The following ZNF208 variants were observed in gnomAD, a reference collection of about 807,000 sequenced individuals.
ZNF208 encodes the protein zinc finger protein 95.
A neutral mutation model predicts 12.1 loss-of-function variants in ZNF208; 10 were observed. The observed-to-expected ratio is 0.83, with a 90% CI of 0.51 to 1.40. The LOEUF (loss-of-function observed/expected upper bound fraction) is 1.40. Among genes scored for constraint, ZNF208 ranks in the 40% most tolerant of loss-of-function variants. The pLI, the probability that ZNF208 is intolerant of heterozygous loss-of-function variation, is 0.00. For missense variants in ZNF208, 1,652 were observed against 1,485.0 expected (o/e 1.11, Z -1.85); for synonymous variants, 497 against 488.4 (o/e 1.02, Z -0.23).
At chr19:21,985,211 A>C (rs1485243526) in intron 3 of ZNF208, among the ~76,000 whole-genome samples, 4 of 152,198 alleles carry the variant, frequency 2.6e-5, no homozygotes, top group Admixed American at 2.0e-4. Context: ...GAAACAGATA[A>C]AAACAAAAAG....
At chr19:21,952,615 A>T (rs1378061087) in intron 4 of ZNF208, among the ~76,000 whole-genome samples, 1 of 150,918 alleles carries the variant, frequency 6.6e-6, no homozygotes, top group Admixed American at 6.6e-5. Flanking sequence ...ACAGAAAGGA[A>T]TAGAAGCAAC....
At chr19:21,990,606 G>A (rs1484749036) in intron 1 of ZNF208, among the ~76,000 whole-genome samples, 1 of 152,148 alleles carries the variant, frequency 6.6e-6, no homozygotes, top group Non-Finnish European at 1.5e-5. Context: ...GAATTTTAAA[G>A]TAGTTTTTTC....
At chr19:21,961,540 C>CAA (rs932107456), downstream of ZNF208, among the ~76,000 whole-genome samples, 9 of 152,096 alleles carry the variant, frequency 5.9e-5, no homozygotes, top group African/African-American at 1.4e-4. Context: ...AGTCTGACCA[C>CAA]AAATTCACCA....
chr19:21,947,271 T>C (rs1438298757), intron 4 of ZNF208, among the ~76,000 whole-genome samples: 1 of 152,166 alleles, frequency 6.6e-6, no homozygotes, highest in African/African-American at 2.4e-5. Context: ...TTGCATTTGA[T>C]TTGTTTTTTT....
intron 4 of ZNF208, among the ~76,000 whole-genome samples, chr19:21,955,838 G>A (rs1203747859): frequency 4.6e-5 from 7 of 152,152 alleles, no homozygotes; most frequent in African/African-American, 7.2e-5. Flanking sequence ...CTCTCAACTC[G>A]TCAAAGTCAT....
chr19:21,954,523 T>C (rs552311651), intron 4 of ZNF208, among the ~76,000 whole-genome samples: 94 of 152,342 alleles, frequency 6.2e-4, no homozygotes, highest in Non-Finnish European at 1.2e-3. Flanking sequence ...TGCTCCTTTA[T>C]TGGGTGCATA....
intron 1 of ZNF208, among the ~76,000 whole-genome samples, chr19:22,001,531 A>C (rs2145582324): frequency 6.6e-6 from 1 of 152,140 alleles, no homozygotes; most frequent in East Asian, 1.9e-4. Flanking sequence ...TGATACCAAA[A>C]CCTAACAGAG....
Position 21,972,919 on chromosome 19 carries a change from G to A in ZNF208, c.2115C>T (p.Ser705=), listed in dbSNP as rs779702374. 2.5e-6 allele frequency: 4 copies of A among 1,611,768 alleles called. No homozygotes were observed. In the Admixed American group the frequency reaches 5.0e-5, roughly 20 times the overall value. ...TTCTCTTATGTTCCATAAGGTTTGA[G>A]GACCAGTTGAAAGCTTTGCCACATT... is the stretch of plus-strand genomic sequence containing the variant. ...CEECGKAFNW[S]SNLMEHKRIH... Residue 705 remains serine (S), a synonymous_variant, in exon 4 of 4, where the codon TCC becomes TCT. Transcript: ENST00000397126.
intron 3 of ZNF208, among the ~76,000 whole-genome samples, chr19:21,985,888 C>G (rs1479754520): frequency 2.0e-5 from 3 of 152,198 alleles, no homozygotes; most frequent in Admixed American, 1.3e-4. Context: ...CATACGCAGA[C>G]CTGACTGCAG....
chr19:22,003,763 T>C (rs1302588313), intron 1 of ZNF208, among the ~76,000 whole-genome samples: 1 of 152,132 alleles, frequency 6.6e-6, no homozygotes, highest in Non-Finnish European at 1.5e-5. Context: ...CCTAAAAATA[T>C]ATAAATTATT....
intron 4 of ZNF208, among the ~76,000 whole-genome samples, chr19:21,945,713 C>T (rs1969806502): frequency 6.6e-6 from 1 of 152,080 alleles, no homozygotes; most frequent in South Asian, 2.1e-4. Context: ...GTTATATTTA[C>T]TTTTGACCAA....
At chr19:21,985,541 G>A (rs1184153301) in intron 3 of ZNF208, among the ~76,000 whole-genome samples, 1 of 152,200 alleles carries the variant, frequency 6.6e-6, no homozygotes, top group Non-Finnish European at 1.5e-5. Flanking sequence ...CAGGACCCCT[G>A]CTCTTGACTA....
intron 3 of ZNF208, among the ~76,000 whole-genome samples, chr19:21,983,906 G>A (rs573177104): frequency 2.6e-4 from 40 of 152,056 alleles, no homozygotes; most frequent in Non-Finnish European, 4.1e-4. Flanking sequence ...TGTAGATAAC[G>A]AGTTGATGGG....
At chr19:21,954,305 ATT>A (rs1411070062) in intron 4 of ZNF208, among the ~76,000 whole-genome samples, 1 of 152,196 alleles carries the variant, frequency 6.6e-6, no homozygotes, top group African/African-American at 2.4e-5. Context: ...AAGAATCTAT[ATT>A]CTCTTGATTT....
At chr19:21,943,454 C>T (rs982904176) in intron 4 of ZNF208, among the ~76,000 whole-genome samples, 1 of 152,160 alleles carries the variant, frequency 6.6e-6, no homozygotes, top group African/African-American at 2.4e-5. Flanking sequence ...GCCACAGTGG[C>T]ATACTAATAA....
intron 1 of ZNF208, among the ~76,000 whole-genome samples, 194 bp from the exon 2 acceptor site, chr19:21,989,103 A>G (rs1970679576): frequency 6.6e-6 from 1 of 151,876 alleles, no homozygotes; most frequent in Admixed American, 6.6e-5. Context: ...AATTATTATT[A>G]TACTTCAAGT....
At chr19:21,941,117 G>C (rs373667250) in intron 4 of ZNF208, 3 of 370,922 alleles carry the variant, frequency 8.1e-6, no homozygotes, top group Admixed American at 4.6e-5. Flanking sequence ...GCTGACAAAT[G>C]TCAGACGCCA....
At chr19:21,979,768 TAAA>T (rs1455260060) in intron 3 of ZNF208, among the ~76,000 whole-genome samples, 1 of 152,084 alleles carries the variant, frequency 6.6e-6, no homozygotes, top group Non-Finnish European at 1.5e-5. Flanking sequence ...ATGCCCCAAT[TAAA>T]AGACACAGAC....
intron 1 of ZNF208, among the ~76,000 whole-genome samples, chr19:21,994,411 G>A (rs1027882629): frequency 1.1e-4 from 17 of 152,010 alleles, no homozygotes; most frequent in South Asian, 8.3e-4. Context: ...TCTTCTAATC[G>A]GTTCTTTCAG....
Sources: allele counts gnomAD v4.1 joint callset (sites outside exome capture counted in the v4.1 genomes callset), GRCh38; gene constraint gnomAD v4.1.1; transcripts MANE v1.5; gene names NCBI Gene and HGNC (gene_info 2026-07-23, HGNC 2026-07-21).